The following DCDC2 variants were observed in gnomAD, a reference collection of about 807,000 sequenced individuals.
DCDC2 encodes doublecortin domain-containing protein 2.
DCDC2 carries 40 observed loss-of-function variants against 50.2 expected under a neutral mutation model. The ratio of observed to expected loss-of-function variants is 0.80; its 90% confidence interval spans 0.62 to 1.04. The LOEUF is 1.04. Among genes scored for constraint, DCDC2 ranks in the 50% least tolerant of loss-of-function variants. The pLI, the probability that DCDC2 is intolerant of heterozygous loss-of-function variation, is 0.00. For synonymous variants in DCDC2, 234 were observed against 210.6 expected (o/e 1.11, Z -0.96); for missense variants, 570 against 581.9 (o/e 0.98, Z 0.21).
At chr6:24,283,459 A>C (rs1271866579) in intron 6 of DCDC2, among the ~76,000 whole-genome samples, 1 of 151,998 alleles carries the variant, frequency 6.6e-6, no homozygotes, top group Non-Finnish European at 1.5e-5. Context: ...AAGCTCTACC[A>C]GTCCCTCATC....
At chr6:24,176,864 G>A (rs1760928308) in intron 9 of DCDC2, among the ~76,000 whole-genome samples, 1 of 152,180 alleles carries the variant, frequency 6.6e-6, no homozygotes, top group Non-Finnish European at 1.5e-5. Context: ...CATATGGTAT[G>A]TGTCTTTCTT....
At chr6:24,213,456 A>T (rs1312918390) in intron 7 of DCDC2, among the ~76,000 whole-genome samples, 5 of 152,144 alleles carry the variant, frequency 3.3e-5, no homozygotes, top group African/African-American at 9.7e-5. Context: ...ATAATATCCT[A>T]AGAAGAAAAA....
intron 2 of DCDC2, among the ~76,000 whole-genome samples, chr6:24,306,543 T>TAGACAGACAGACAGACAGAC (rs1160445956): frequency 4.8e-4 from 55 of 115,718 alleles, no homozygotes; most frequent in African/African-American, 1.2e-3. Context: ...GATAGATAGA[T>TAGACAGACAGACAGACAGAC]AGACAGACAG....
chr6:24,190,095 A>G (rs535678613), intron 8 of DCDC2, among the ~76,000 whole-genome samples: 38 of 150,264 alleles, frequency 2.5e-4, no homozygotes, highest in African/African-American at 9.4e-4. Context: ...AAAGGTTTAG[A>G]TATGATTTGA....
chr6:24,376,033 A>C, the DCDC2 span, among the ~76,000 whole-genome samples: 139,955 of 151,936 alleles, frequency 0.92, 65,109 homozygotes, highest in East Asian at 0.99. Context: ...TCCTGGAAAA[A>C]AAAAAACAAA....
intron 2 of DCDC2, among the ~76,000 whole-genome samples, chr6:24,341,358 T>C (rs752893592): frequency 1.3e-5 from 2 of 152,180 alleles, no homozygotes; most frequent in Non-Finnish European, 1.5e-5. Flanking sequence ...TATGTAATCA[T>C]GGGATGACAT....
the DCDC2 span, among the ~76,000 whole-genome samples, chr6:24,376,261 C>G: frequency 1.5e-3 from 226 of 152,228 alleles, no homozygotes; most frequent in African/African-American, 5.2e-3. Flanking sequence ...TGAACACAAA[C>G]AGCTCTTCTT....
chr6:24,338,962 G>A (rs867328568), intron 2 of DCDC2, among the ~76,000 whole-genome samples: 1 of 152,052 alleles, frequency 6.6e-6, no homozygotes, highest in Non-Finnish European at 1.5e-5. Context: ...TTGGTTTTAG[G>A]AAAAAGATAA....
upstream of DCDC2, among the ~76,000 whole-genome samples, chr6:24,358,722 ATATTT>A (rs1378466117): frequency 3.1e-5 from 2 of 65,358 alleles, no homozygotes; most frequent in East Asian, 7.5e-4. Flanking sequence ...TATATTTTAT[ATATTT>A]TATTTTATAT....
intron 2 of DCDC2, among the ~76,000 whole-genome samples, chr6:24,343,266 G>T (rs1361126469): frequency 6.6e-6 from 1 of 151,880 alleles, no homozygotes; most frequent in African/African-American, 2.4e-5. Flanking sequence ...AGCCAGGATG[G>T]TCTCGATCTC....
At chr6:24,277,660 C>T (rs1429882811) in intron 7 of DCDC2, among the ~76,000 whole-genome samples, 3 of 152,080 alleles carry the variant, frequency 2.0e-5, no homozygotes, top group African/African-American at 7.2e-5. Flanking sequence ...AATGACTTTT[C>T]AGTAAAGATG....
At chr6:24,299,564 C>G (rs113018399) in intron 4 of DCDC2, among the ~76,000 whole-genome samples, 5,626 of 152,142 alleles carry the variant, frequency 0.037, 309 homozygotes, top group African/African-American at 0.13. Context: ...TGAGATGTTG[C>G]CCAACTAAAA....
chr6:24,190,839 T>C (rs967010762), intron 8 of DCDC2, among the ~76,000 whole-genome samples: 2 of 152,328 alleles, frequency 1.3e-5, no homozygotes, highest in African/African-American at 4.8e-5. Flanking sequence ...AAATATACCA[T>C]TTACACATAA....
intron 7 of DCDC2, among the ~76,000 whole-genome samples, chr6:24,268,720 C>A (rs992737440): frequency 9.9e-5 from 15 of 151,914 alleles, no homozygotes; most frequent in African/African-American, 2.9e-4. Flanking sequence ...TACAGGCATG[C>A]GACACTATGC....
At chr6:24,302,567 C>T (rs1396688314) in intron 2 of DCDC2, among the ~76,000 whole-genome samples, 1 of 152,076 alleles carries the variant, frequency 6.6e-6, no homozygotes, top group Non-Finnish European at 1.5e-5. Context: ...CTCCCCTATC[C>T]CCCATTGAAT....
intron 7 of DCDC2, among the ~76,000 whole-genome samples, chr6:24,253,119 T>C (rs1762825402): frequency 1.3e-5 from 2 of 152,030 alleles, no homozygotes; most frequent in South Asian, 4.1e-4. Flanking sequence ...CTCTATCCAT[T>C]TCCAGAAGAT....
chr6:24,341,148 A>C (rs1450297186), intron 2 of DCDC2, among the ~76,000 whole-genome samples: 3 of 152,220 alleles, frequency 2.0e-5, no homozygotes, highest in African/African-American at 7.2e-5. Context: ...TGCTAGAAAG[A>C]GGGAAAAAAT....
At chr6:24,304,802 A>G (rs1447153194) in intron 2 of DCDC2, among the ~76,000 whole-genome samples, 2 of 152,146 alleles carry the variant, frequency 1.3e-5, no homozygotes, top group African/African-American at 4.8e-5. Context: ...AGTGAGGGTT[A>G]TATCATTTTT....
chr6:24,204,727 A>G (rs537413692), intron 8 of DCDC2, among the ~76,000 whole-genome samples: 4 of 152,274 alleles, frequency 2.6e-5, no homozygotes, highest in Non-Finnish European at 5.9e-5. Flanking sequence ...ACTTTATCTC[A>G]TACCTAATCC....
Sources: gnomAD v4.1 joint callset for allele counts (sites outside exome capture counted in the v4.1 genomes callset) on GRCh38, gnomAD v4.1.1 for gene constraint, MANE v1.5 for transcripts, NCBI Gene and HGNC (gene_info 2026-07-23, HGNC 2026-07-21) for gene names.